The following CNTN5 variants were observed in gnomAD, a reference collection of about 807,000 sequenced individuals.
CNTN5 encodes contactin-5.
A neutral mutation model predicts 129.1 loss-of-function variants in CNTN5; 77 were observed. The ratio of observed to expected loss-of-function variants is 0.60; its 90% CI spans 0.50 to 0.72. The LOEUF (loss-of-function observed/expected upper bound fraction) is 0.72. Ranked by LOEUF, CNTN5 falls within the 30% of genes least tolerant of loss-of-function variation. The pLI is 0.00. For missense variants in CNTN5, 1,478 were observed against 1,328.8 expected, an observed-to-expected ratio of 1.11 and a Z score of -1.75; for synonymous variants, 509 against 465.6, an observed-to-expected ratio of 1.09 and a Z score of -1.20.
intron 2 of CNTN5, among the ~76,000 whole-genome samples, chr11:99,444,359 G>A (rs554299269): frequency 5.9e-5 from 9 of 152,136 alleles, no homozygotes; most frequent in Non-Finnish European, 1.3e-4. Flanking sequence ...AAAATACACA[G>A]GCTTCTGTGA....
chr11:100,149,257 G>A (rs1449506262), intron 13 of CNTN5, among the ~76,000 whole-genome samples: 4 of 152,144 alleles, frequency 2.6e-5, no homozygotes, highest in Non-Finnish European at 5.9e-5. Flanking sequence ...AGCAATTGCT[G>A]TTAATGCGTT....
At chr11:99,091,021 C>CAAAAAAAAAAAAAAAAAAAAAA (rs68113369) in intron 1 of CNTN5, among the ~76,000 whole-genome samples, 1 of 56,754 alleles carries the variant, frequency 1.8e-5, no homozygotes, top group African/African-American at 7.3e-5. Context: ...GACTCCGTCT[C>CAAAAAAAAAAAAAAAAAAAAAA]AAAAAAAAAA....
intron 1 of CNTN5, among the ~76,000 whole-genome samples, chr11:99,052,846 T>A (rs1394786987): frequency 2.0e-5 from 3 of 151,880 alleles, no homozygotes; most frequent in African/African-American, 7.2e-5. Context: ...AGTCTCAGAC[T>A]TTTTCAATCT....
At chr11:99,698,967 CT>C (rs1954396178) in intron 3 of CNTN5, among the ~76,000 whole-genome samples, 1 of 149,882 alleles carries the variant, frequency 6.7e-6, no homozygotes, top group Non-Finnish European at 1.5e-5. Flanking sequence ...GGGAGCTACT[CT>C]TGTGAGCATA....
intron 3 of CNTN5, among the ~76,000 whole-genome samples, chr11:99,775,941 C>T (rs1945109203): frequency 6.6e-6 from 1 of 152,062 alleles, no homozygotes; most frequent in Non-Finnish European, 1.5e-5. Context: ...AAATAATTTA[C>T]ATCCTCTATG....
intron 6 of CNTN5, among the ~76,000 whole-genome samples, chr11:99,901,676 T>C (rs1172568552): frequency 6.6e-6 from 1 of 152,204 alleles, no homozygotes; most frequent in Non-Finnish European, 1.5e-5. Flanking sequence ...GATTTATTCA[T>C]TCAGGAATAT....
At chr11:100,290,320 C>G (rs1428939321) in intron 18 of CNTN5, among the ~76,000 whole-genome samples, 1 of 151,864 alleles carries the variant, frequency 6.6e-6, no homozygotes, top group Non-Finnish European at 1.5e-5. Context: ...GCCAAAAGAA[C>G]AAAGCTAGAG....
At chr11:100,207,491 A>G (rs1048422642) in intron 15 of CNTN5, among the ~76,000 whole-genome samples, 8 of 152,172 alleles carry the variant, frequency 5.3e-5, no homozygotes, top group African/African-American at 1.7e-4. Context: ...AAGATATAAC[A>G]TTACTAACTT....
At chr11:99,550,068 T>C (rs1041751697) in intron 2 of CNTN5, among the ~76,000 whole-genome samples, 4 of 152,170 alleles carry the variant, frequency 2.6e-5, no homozygotes, top group Admixed American at 2.6e-4. Context: ...TAAGAAAAAC[T>C]GATCTTCACT....
intron 18 of CNTN5, among the ~76,000 whole-genome samples, chr11:100,273,729 A>G (rs924961167): frequency 1.3e-5 from 2 of 152,196 alleles, no homozygotes; most frequent in African/African-American, 4.8e-5. Context: ...CCCCAGGGAG[A>G]CAGGCACCCA....
At chr11:100,321,135 C>A (rs903201121) in intron 21 of CNTN5, among the ~76,000 whole-genome samples, 2 of 151,906 alleles carry the variant, frequency 1.3e-5, no homozygotes, top group Admixed American at 6.6e-5. Flanking sequence ...TCTATAGGTC[C>A]TTTTAGATAC....
Position 100,088,995 on chromosome 11 carries a change from C to G in CNTN5, c.1580+14701C>G, listed in dbSNP as rs576841261. Among the ~76,000 whole-genome samples, 6 of 152,138 alleles carry G rather than the reference C, an allele frequency of 3.9e-5. No individual in the cohort carries two copies. The South Asian group carries it at 8.3e-4, about 21-fold the overall frequency. On this transcript the variant is annotated intron_variant, in intron 13 of 24. Transcript: ENST00000524871. Reference sequence around the variant, plus strand: ...ACAAAACATTCTCTAAATATACTAGCAAACCTAATCTAAAGGCACGTCAAA... The same window carrying G: ...ACAAAACATTCTCTAAATATACTAGGAAACCTAATCTAAAGGCACGTCAAA...
intron 21 of CNTN5, chr11:100,309,629 CA>C: frequency 1.0e-6 from 1 of 983,444 alleles, no homozygotes; most frequent in Non-Finnish European, 1.2e-6. Flanking sequence ...GTTTGTTCAT[CA>C]TTAAATCTCA....
intron 18 of CNTN5, among the ~76,000 whole-genome samples, chr11:100,287,134 G>A (rs1215285386): frequency 6.6e-6 from 1 of 152,160 alleles, no homozygotes; most frequent in East Asian, 1.9e-4. Flanking sequence ...CGTCTGATTG[G>A]TGTACCTGAA....
chr11:99,432,201 A>G (rs962401052), intron 2 of CNTN5, among the ~76,000 whole-genome samples: 5 of 152,104 alleles, frequency 3.3e-5, no homozygotes, highest in Admixed American at 2.6e-4. Context: ...TTTCACAACC[A>G]CCATGTTTTG....
intron 13 of CNTN5, among the ~76,000 whole-genome samples, chr11:100,157,886 T>C (rs1489686084): frequency 1.3e-5 from 2 of 151,830 alleles, no homozygotes; most frequent in African/African-American, 4.8e-5. Context: ...AATTTACCCC[T>C]ATTTTGCATT....
At chr11:99,742,710 T>A (rs535684988) in intron 3 of CNTN5, among the ~76,000 whole-genome samples, 21 of 152,304 alleles carry the variant, frequency 1.4e-4, no homozygotes, top group African/African-American at 4.8e-4. Flanking sequence ...ATAAGAAATT[T>A]ACGCTGGATC....
intron 1 of CNTN5, among the ~76,000 whole-genome samples, chr11:99,265,245 A>T (rs1479880945): frequency 2.0e-5 from 3 of 152,080 alleles, no homozygotes; most frequent in Admixed American, 2.0e-4. Flanking sequence ...GCACTATAAA[A>T]ACAGGAAATA....
intron 18 of CNTN5, among the ~76,000 whole-genome samples, chr11:100,287,487 A>G (rs1462420812): frequency 6.6e-6 from 1 of 151,176 alleles, no homozygotes; most frequent in Non-Finnish European, 1.5e-5. Flanking sequence ...TCAACCCAGA[A>G]TTTCATATCC....
Sources: allele counts gnomAD v4.1 joint callset (sites outside exome capture counted in the v4.1 genomes callset), GRCh38; gene constraint gnomAD v4.1.1; transcripts MANE v1.5; gene names NCBI Gene and HGNC (gene_info 2026-07-23, HGNC 2026-07-21).